The following HRH1 variants were observed in gnomAD, a reference collection of about 807,000 sequenced individuals.
HRH1 encodes the protein histamine receptor H1, also known as histamine H1 receptor.
Under a neutral mutation model 10.3 loss-of-function variants are expected in HRH1, and 6 were observed. The ratio of observed to expected loss-of-function variants is 0.58; its 90% CI spans 0.32 to 1.15. The LOEUF (loss-of-function observed/expected upper bound fraction) is 1.15, where lower values mean the gene tolerates loss of function less well. HRH1 is among the 50% of genes most tolerant of loss of function. HRH1 has a pLI of 0.05. For synonymous variants in HRH1, 242 were observed against 236.7 expected (o/e 1.02, Z -0.21); for missense variants, 514 against 615.3 (o/e 0.84, Z 1.74).
intron 1 of HRH1, among the ~76,000 whole-genome samples, chr3:11,166,397 A>G (rs577691716): frequency 3.3e-5 from 5 of 152,210 alleles, no homozygotes; most frequent in Non-Finnish European, 7.3e-5. Flanking sequence ...AACAACATCT[A>G]TTGAGCACTT....
At position 11,259,749 on chromosome 3, in the gene HRH1, A is replaced by G. The variant is rs1233549020; in HGVS notation, c.712A>G (p.Lys238Glu). The change falls in exon 2 of 2, where the codon AAG (lysine) becomes GAG (glutamate). Residue 238 changes from lysine (K) to glutamate (E), a missense_variant. Physicochemically the swap from Lys to Glu is moderately conservative, Grantham distance 56. Coordinates refer to ENST00000431010, the MANE Select transcript of HRH1 (RefSeq NM_001098212.2). This position sits in a 1 kb window ranked among gnomAD's most constrained non-coding sequence, Gnocchi z 4.6. ...GTCCCTCCCTTCCTTCTCAGAAATT[A>G]AGCTGAGGCCAGAGAACCCCAAGGG... The part of the protein sequence containing the change: ...NRSLPSFSEI[K>E]LRPENPKGDA... The G allele has an allele frequency of 6.2e-7, 1 of 1,614,002 alleles. No individual in the cohort carries two copies. The highest frequency in any genetic ancestry group is 2.2e-5 in the East Asian group (1 of 44,872).
intron 1 of HRH1, among the ~76,000 whole-genome samples, chr3:11,159,796 A>G (rs1022927749): frequency 6.6e-6 from 1 of 152,178 alleles, no homozygotes; most frequent in East Asian, 1.9e-4. Flanking sequence ...GTTCAATGCA[A>G]CTCACCAGTG....
chr3:11,234,346 C>G, intron 1 of HRH1: 3 of 1,593,244 alleles, frequency 1.9e-6, no homozygotes, highest in Non-Finnish European at 2.6e-6. Flanking sequence ...TTTCCTCTTC[C>G]TCATCCTCAT....
At chr3:11,169,362 T>C (rs1183172516) in intron 1 of HRH1, among the ~76,000 whole-genome samples, 2 of 152,092 alleles carry the variant, frequency 1.3e-5, no homozygotes, top group African/African-American at 2.4e-5. Flanking sequence ...CAGTTTGAAG[T>C]AGACGCCTCA....
At chr3:11,238,635 C>A (rs1939252562) in intron 1 of HRH1, among the ~76,000 whole-genome samples, 1 of 152,212 alleles carries the variant, frequency 6.6e-6, no homozygotes, top group Admixed American at 6.5e-5. Flanking sequence ...GTTGTATAAA[C>A]ATCATCAGAA....
At chr3:11,153,571 C>T (rs938511838), upstream of HRH1, among the ~76,000 whole-genome samples, 3 of 150,636 alleles carry the variant, frequency 2.0e-5, no homozygotes, top group Admixed American at 6.6e-5. Flanking sequence ...GTGGTCCCTT[C>T]GAAACTGCTG....
intron 1 of HRH1, among the ~76,000 whole-genome samples, chr3:11,224,388 T>C (rs1938811009): frequency 6.6e-6 from 1 of 152,150 alleles, no homozygotes; most frequent in Admixed American, 6.5e-5. Flanking sequence ...TCTTTCCAAA[T>C]TTCGGGTTAA....
chr3:11,178,558 G>A (rs971717077), intron 1 of HRH1, among the ~76,000 whole-genome samples: 2 of 152,190 alleles, frequency 1.3e-5, no homozygotes, highest in Admixed American at 6.5e-5. Context: ...GAGCCATTTT[G>A]TCTACAAGTG....
intron 1 of HRH1, among the ~76,000 whole-genome samples, chr3:11,205,116 G>C (rs1393253876): frequency 6.6e-6 from 1 of 152,240 alleles, no homozygotes; most frequent in African/African-American, 2.4e-5. Flanking sequence ...ACTCTCATCA[G>C]CGCGGCTGTT....
intron 1 of HRH1, among the ~76,000 whole-genome samples, chr3:11,250,229 T>TG (rs1448729859): frequency 7.8e-6 from 1 of 127,894 alleles, no homozygotes; most frequent in East Asian, 2.3e-4. Context: ...TTTTTTTTTT[T>TG]TTTGTATTTT....
intron 1 of HRH1, among the ~76,000 whole-genome samples, chr3:11,199,547 T>C (rs1937817651): frequency 6.6e-6 from 1 of 152,190 alleles, no homozygotes; most frequent in South Asian, 2.1e-4. Flanking sequence ...CCCAGTGCTC[T>C]CACAGTCCCC....
At chr3:11,252,254 T>C (rs1168263513) in intron 1 of HRH1, among the ~76,000 whole-genome samples, 2 of 152,342 alleles carry the variant, frequency 1.3e-5, no homozygotes, top group South Asian at 2.1e-4. Flanking sequence ...TTTGCCTTTG[T>C]AATTAAATGC....
At position 11,262,506 on chromosome 3, in the gene HRH1, G is replaced by A. The variant is rs1939981610; in HGVS notation, c.*2005G>A. ...CCCCCAAACTTCTTGTTCAAAACGG[G>A]GGGAGTTTAGGAGACTTTAATCCCG... On this transcript the variant is annotated 3_prime_UTR_variant, in exon 2 of 2. Coordinates refer to ENST00000431010, the MANE Select transcript of HRH1 (RefSeq NM_001098212.2). The A allele has an allele frequency of 6.0e-6, 1 of 167,050 alleles. No individual in the cohort carries two copies. Among genetic ancestry groups the A allele is most frequent in the Non-Finnish European group, 1.5e-5 (1 of 68,120 alleles). The allele number at this position is 167,050 out of a possible 1,614,324, so 10.3% of individuals were successfully genotyped here.
chr3:11,180,292 A>G (rs2125016525), intron 1 of HRH1, among the ~76,000 whole-genome samples: 1 of 152,272 alleles, frequency 6.6e-6, no homozygotes, highest in South Asian at 2.1e-4. Context: ...ACCAGGGACC[A>G]GTTTCATGGA....
rs955643947 is a variant in HRH1, at chr3:11,261,100, A to G, written c.*599A>G. On this transcript the variant is annotated 3_prime_UTR_variant, in exon 2 of 2. Coordinates refer to ENST00000431010, the MANE Select transcript of HRH1 (RefSeq NM_001098212.2). ...CTGAGCCTCTTTAACAGCTTTCTCC[A>G]GAACCAGTGTCTGAACCACCCTGGA... 2.4e-5 allele frequency: 4 copies of G among 167,172 alleles called. No homozygotes were observed. The highest frequency in any genetic ancestry group is 6.5e-5 in the Admixed American group (1 of 15,296). 10.4% of individuals were successfully genotyped at this position (167,172 alleles called of 1,614,324 possible).
chr3:11,236,006 A>G (rs747215617), intron 1 of HRH1, among the ~76,000 whole-genome samples: 7 of 152,098 alleles, frequency 4.6e-5, no homozygotes, highest in East Asian at 3.9e-4. Context: ...TTGGGCCCCA[A>G]TGTTCCTCAC....
At chr3:11,145,587 G>A (rs1332965763) in intron 1 of HRH1, among the ~76,000 whole-genome samples, 3 of 152,056 alleles carry the variant, frequency 2.0e-5, no homozygotes, top group African/African-American at 4.8e-5. Context: ...AGGAAAATGA[G>A]ATTTTTTAAA....
rs367688000 is a variant in HRH1, at chr3:11,216,810, G to A, written c.-35-42193G>A. 2.5e-4 allele frequency among the ~76,000 whole-genome samples: 38 copies of A among 152,158 alleles called. No individual in the cohort carries two copies. In the East Asian group the frequency reaches 4.6e-3, roughly 19 times the overall value. ...CAGGAGAATCACTTGAAGCCAGGAG[G>A]TGGAGGTTGCAGGGAGCCGAGGTTG... On this transcript the variant is annotated intron_variant, in intron 1 of 1. Transcript: ENST00000431010.
At chr3:11,256,503 A>C (rs1939786848) in intron 1 of HRH1, among the ~76,000 whole-genome samples, 1 of 152,154 alleles carries the variant, frequency 6.6e-6, no homozygotes, top group African/African-American at 2.4e-5. Context: ...AAGTTATATA[A>C]ATTTAGCCTT....
Sources: gnomAD v4.1 joint callset for allele counts (sites outside exome capture counted in the v4.1 genomes callset) on GRCh38, gnomAD v4.1.1 for gene constraint, Gnocchi (gnomAD v3.1) non-coding constraint, MANE v1.5 for transcripts, NCBI Gene and HGNC (gene_info 2026-07-23, HGNC 2026-07-21) for gene names.